The following DNAAF5 variants were observed in gnomAD, a reference collection of about 807,000 sequenced individuals.
The protein encoded by DNAAF5 is HEAT repeat containing 2.
Under a neutral mutation model 75.8 loss-of-function variants are expected in DNAAF5, and 64 were observed. That is an observed-to-expected ratio of 0.84 (90% CI 0.69 to 1.04). The LOEUF is 1.04. DNAAF5 is among the 50% of genes least tolerant of loss of function. The probability of loss-of-function intolerance (pLI) is 0.00; values close to 1 mark genes in which losing one functional copy is unlikely to be tolerated. For synonymous variants in DNAAF5, 657 were observed against 557.2 expected (o/e 1.18, Z -2.52); for missense variants, 1,269 against 1,178.5 (o/e 1.08, Z -1.12).
intron 4 of DNAAF5, among the ~76,000 whole-genome samples, chr7:747,216 C>G (rs752724039): frequency 6.6e-6 from 1 of 152,234 alleles, no homozygotes; most frequent in Non-Finnish European, 1.5e-5. Flanking sequence ...ACACCCTTCG[C>G]GCCATGTCGC....
intron 5 of DNAAF5, among the ~76,000 whole-genome samples, chr7:755,305 C>CT (rs1782448054): frequency 6.6e-6 from 1 of 152,202 alleles, no homozygotes; most frequent in Non-Finnish European, 1.5e-5. Context: ...CCTGTCCACA[C>CT]TCGGCTGCTG....
chr7:758,895 C>T lies in DNAAF5; in HGVS notation c.1470+1901C>T, dbSNP rs1270944141. Among the ~76,000 whole-genome samples, 3 of 152,240 alleles carry T rather than the reference C, an allele frequency of 2.0e-5. No homozygotes were observed. The East Asian group carries it at 5.8e-4, about 29-fold the overall frequency. On this transcript the variant is annotated intron_variant, in intron 6 of 12. Transcript: ENST00000297440. ...ACGGGGTTTCTCCATGTTGGCCAGG[C>T]TGGTCTTGAACTCCTGACTTCAAGT...
intron 4 of DNAAF5, among the ~76,000 whole-genome samples, chr7:745,539 C>T (rs900953875): frequency 8.5e-5 from 13 of 152,268 alleles, no homozygotes; most frequent in South Asian, 4.1e-4. Flanking sequence ...ACATGCATAT[C>T]GTCACACGCG....
At chr7:774,984 CG>C in intron 10 of DNAAF5, 21 bp from the exon 11 acceptor site, 1 of 1,613,222 alleles carries the variant, frequency 6.2e-7, no homozygotes, top group Non-Finnish European at 8.5e-7. Flanking sequence ...TGAGTCACGT[CG>C]TATGTGTTTG....
At position 754,041 on chromosome 7, in the gene DNAAF5, CAT is replaced by C; in HGVS notation, c.1025-545_1025-544del. Among the ~76,000 whole-genome samples the C allele has an allele frequency of 6.7e-6, 1 of 149,786 alleles. No homozygotes were observed. Among genetic ancestry groups the C allele is most frequent in the Non-Finnish European group, 1.5e-5 (1 of 67,542 alleles). ...ACGGCTTCGCAGGCGTGTCTCTCAT[CAT>C]ATGGCGATGGCTTCGCAGGCGTGTG... On this transcript the variant is annotated intron_variant, in intron 4 of 12. Transcript: ENST00000297440. This position sits in a 1 kb window ranked among gnomAD's most constrained non-coding sequence, Gnocchi z 4.8.
chr7:769,049 G>A (rs1483922110), intron 8 of DNAAF5: 16 of 664,734 alleles, frequency 2.4e-5, no homozygotes, highest in African/African-American at 3.5e-5. Context: ...TGGTCTCACC[G>A]CGAGGCCTGA....
chr7:761,657 A>G (rs1383512749), intron 6 of DNAAF5, 96 bp from the exon 7 acceptor site: 15 of 1,281,656 alleles, frequency 1.2e-5, no homozygotes, highest in Non-Finnish European at 1.3e-5. Context: ...CTCCCAGGAT[A>G]CGTGGGGATT....
In DNAAF5 at chr7:739,924, T is replaced by C. The variant is rs138766313; in HGVS notation, c.781-895T>C. 9.2e-5 allele frequency among the ~76,000 whole-genome samples: 14 copies of C among 152,294 alleles called. 1 individual carries two copies. The highest frequency in any genetic ancestry group is 2.9e-4 in the African/African-American group (12 of 41,574). ...TGCACCTACGACTGGCTGTGAGCGC[T>C]ATTGCTAATGGTGCATGGCTGGGCA... On this transcript the variant is annotated intron_variant, in intron 2 of 12. Coordinates refer to ENST00000297440, the MANE Select transcript of DNAAF5 (RefSeq NM_017802.4).
At chr7:742,111 G>A (rs981019309) in intron 4 of DNAAF5, among the ~76,000 whole-genome samples, 6 of 152,308 alleles carry the variant, frequency 3.9e-5, no homozygotes, top group East Asian at 1.9e-4. Flanking sequence ...GCTCTGCCAC[G>A]CCGCCGGCCC....
At chr7:740,026 G>C (rs957907835) in intron 2 of DNAAF5, among the ~76,000 whole-genome samples, 1 of 152,006 alleles carries the variant, frequency 6.6e-6, no homozygotes, top group African/African-American at 2.4e-5. Flanking sequence ...ATGGCACCAC[G>C]GAGTCGGCCC....
chr7:775,260 A>C, intron 11 of DNAAF5, 98 bp downstream of exon 11: 2 of 1,114,900 alleles, frequency 1.8e-6, no homozygotes, highest in Non-Finnish European at 1.3e-6. Context: ...AACTCAGATC[A>C]AAACTATCTC....
chr7:741,041 G>C (rs1031478945), intron 3 of DNAAF5, 98 bp downstream of exon 3: 3 of 1,432,614 alleles, frequency 2.1e-6, no homozygotes, highest in African/African-American at 1.4e-5. Context: ...AAACCTGCTG[G>C]TGTCCCTTTG....
chr7:749,857 C>T (rs1252124015), intron 4 of DNAAF5, among the ~76,000 whole-genome samples: 1 of 152,100 alleles, frequency 6.6e-6, no homozygotes, highest in East Asian at 1.9e-4. Context: ...CACCACCGCA[C>T]CTGGATAATT....
intron 12 of DNAAF5, among the ~76,000 whole-genome samples, chr7:783,361 G>A (rs974637257): frequency 6.6e-6 from 1 of 152,238 alleles, no homozygotes; most frequent in Non-Finnish European, 1.5e-5. Flanking sequence ...GGCAGGGGGC[G>A]TGGGCCTCAG....
At chr7:769,620 AT>A (rs757850215) in intron 8 of DNAAF5, among the ~76,000 whole-genome samples, 7 of 152,228 alleles carry the variant, frequency 4.6e-5, no homozygotes, top group Non-Finnish European at 7.3e-5. Flanking sequence ...CTTGACTTTA[AT>A]TTTTCAAAAA....
Position 726,747 on chromosome 7 carries a change from C to T in DNAAF5, c.27C>T (p.Ala9=), listed in dbSNP as rs557885420. Residue 9 remains alanine, a synonymous_variant, in exon 1 of 13, where the codon GCC becomes GCT. Transcript: ENST00000297440. ...TGGCGGCGCTGGGGGTGGCGGAGGC[C>T]GTGGCGGCCCCACACCCGGCTGAGG... MAALGVAE[A]VAAPHPAEGA... is the part of the protein sequence containing the mutation. 5.3e-5 allele frequency: 66 copies of T among 1,245,316 alleles called. No individual in the cohort carries two copies. In the African/African-American group the frequency reaches 6.8e-4, roughly 13 times the overall value. 77.1% of individuals were successfully genotyped at this position (1,245,316 alleles called of 1,614,324 possible).
intron 4 of DNAAF5, among the ~76,000 whole-genome samples, chr7:741,721 C>A (rs571857863): frequency 6.6e-6 from 1 of 152,312 alleles, no homozygotes; most frequent in Non-Finnish European, 1.5e-5. Context: ...TTTAAAAAGG[C>A]TGTGGGCTTC....
At chr7:749,511 G>A (rs951285658) in intron 4 of DNAAF5, among the ~76,000 whole-genome samples, 37 of 152,090 alleles carry the variant, frequency 2.4e-4, no homozygotes, top group Non-Finnish European at 5.1e-4. Context: ...CTTGGAGCTC[G>A]CACCCATTCT....
intron 10 of DNAAF5, 74 bp from the exon 11 acceptor site, chr7:774,932 T>C: frequency 1.5e-6 from 2 of 1,351,152 alleles, no homozygotes; most frequent in Non-Finnish European, 2.1e-6. Context: ...CAGGCAGGAG[T>C]GCACGGATGG....
Sources: gnomAD v4.1 joint callset for allele counts (sites outside exome capture counted in the v4.1 genomes callset) on GRCh38, gnomAD v4.1.1 for gene constraint, Gnocchi (gnomAD v3.1) non-coding constraint, MANE v1.5 for transcripts, NCBI Gene and HGNC (gene_info 2026-07-23, HGNC 2026-07-21) for gene names.